NDRG3: variants seen among roughly 807,000 people sequenced by gnomAD.
The protein encoded by NDRG3 is NDRG family member 3.
In NDRG3, 23 loss-of-function variants were observed where a neutral mutation model predicts 57.2. The observed-to-expected ratio is 0.40, with a 90% CI of 0.29 to 0.57. The LOEUF is 0.57. Among genes scored for constraint, NDRG3 ranks in the 20% least tolerant of loss-of-function variants. The pLI is 0.42. For synonymous variants in NDRG3, 132 were observed against 162.6 expected (o/e 0.81, Z 1.43); for missense variants, 384 against 457.3 (o/e 0.84, Z 1.46).
chr20:36,720,718 G>A (rs192165149), intron 2 of NDRG3, among the ~76,000 whole-genome samples: 3 of 151,780 alleles, frequency 2.0e-5, no homozygotes, highest in Admixed American at 1.3e-4. Flanking sequence ...GAAACTGAAA[G>A]TCAAGACACT....
chr20:36,653,676 G>A lies in NDRG3; in HGVS notation c.972C>T (p.Leu324=), dbSNP rs765544330. The change falls in exon 16 of 16, where the codon CTC becomes CTT. Residue 324 remains leucine (L), a synonymous_variant. Transcript: ENST00000349004. The surrounding 1 kb of genome is among the most constrained non-coding windows in gnomAD (Gnocchi z 4.2). ...AGGTTGAGTGGGTTCGTGATCGGGC[G>A]AGCCGAGTCATGCTGGCAGATGGTA... ...GYIPSASMTR[L]ARSRTHSTSS... The A allele has an allele frequency of 1.7e-5, 27 of 1,613,734 alleles. No homozygotes were observed. The highest frequency in any genetic ancestry group is 7.7e-5 in the South Asian group (7 of 91,078).
intron 2 of NDRG3, among the ~76,000 whole-genome samples, chr20:36,711,594 G>A (rs939141449): frequency 1.3e-5 from 2 of 152,166 alleles, no homozygotes; most frequent in East Asian, 1.9e-4. Flanking sequence ...TAAAGCCCTC[G>A]GTCCCTGACA....
chr20:36,672,965 G>C (rs1402312430), intron 8 of NDRG3, among the ~76,000 whole-genome samples: 1 of 152,158 alleles, frequency 6.6e-6, no homozygotes, highest in Non-Finnish European at 1.5e-5. Flanking sequence ...CCAGGCTCAA[G>C]CGATTTTCCG....
chr20:36,670,423 G>A (rs1299180180), intron 9 of NDRG3, among the ~76,000 whole-genome samples: 1 of 152,108 alleles, frequency 6.6e-6, no homozygotes, highest in Non-Finnish European at 1.5e-5. Flanking sequence ...TAAAATATAT[G>A]TGAATTTGTA....
chr20:36,732,236 T>C (rs2425266), intron 1 of NDRG3, among the ~76,000 whole-genome samples: 136,840 of 152,306 alleles, frequency 0.9, 61,974 homozygotes, highest in African/African-American at 0.98. Context: ...TTTAAAAGAT[T>C]AACAAGATCA....
intron 8 of NDRG3, among the ~76,000 whole-genome samples, chr20:36,676,164 C>T (rs1038760265): frequency 6.6e-6 from 1 of 151,756 alleles, no homozygotes; most frequent in South Asian, 2.1e-4. Context: ...GGCGTGAACC[C>T]GGGAGGCGGA....
chr20:36,744,979 G>A (rs928708536), intron 1 of NDRG3, among the ~76,000 whole-genome samples: 1 of 150,898 alleles, frequency 6.6e-6, no homozygotes, highest in Non-Finnish European at 1.5e-5. Flanking sequence ...GGGGGGGGGG[G>A]GCGCGGCGGG....
intron 1 of NDRG3, among the ~76,000 whole-genome samples, chr20:36,738,696 A>T (rs947453005): frequency 6.6e-6 from 1 of 150,788 alleles, no homozygotes; most frequent in Admixed American, 6.6e-5. Context: ...GGTGGCATGC[A>T]CCTGTAATCC....
At chr20:36,681,672 T>C (rs1981310735) in intron 7 of NDRG3, among the ~76,000 whole-genome samples, 1 of 149,036 alleles carries the variant, frequency 6.7e-6, no homozygotes. Context: ...ATAGGAGCTC[T>C]AGCTCTCTAG....
chr20:36,723,312 T>C (rs899910149), intron 1 of NDRG3, among the ~76,000 whole-genome samples: 2 of 152,212 alleles, frequency 1.3e-5, no homozygotes, highest in Admixed American at 1.3e-4. Flanking sequence ...ATTCTTCTTC[T>C]ATCTCACCAT....
At chr20:36,664,083 A>G (rs896976369) in intron 12 of NDRG3, among the ~76,000 whole-genome samples, 1 of 152,164 alleles carries the variant, frequency 6.6e-6, no homozygotes, top group African/African-American at 2.4e-5. Flanking sequence ...GACTATAGGC[A>G]TGAGCCACCA....
intron 7 of NDRG3, among the ~76,000 whole-genome samples, chr20:36,681,201 T>C (rs1276630869): frequency 6.6e-6 from 1 of 152,172 alleles, no homozygotes; most frequent in African/African-American, 2.4e-5. Context: ...AAAGTGCGCT[T>C]GGCACAAGCA....
chr20:36,663,627 T>C (rs1979384329), intron 12 of NDRG3, among the ~76,000 whole-genome samples: 1 of 152,184 alleles, frequency 6.6e-6, no homozygotes, highest in South Asian at 2.1e-4. Context: ...GGCATGCTTA[T>C]ACAGTGCTGG....
chr20:36,680,054 C>T (rs972451325), intron 8 of NDRG3, among the ~76,000 whole-genome samples: 2 of 151,200 alleles, frequency 1.3e-5, no homozygotes, highest in African/African-American at 4.9e-5. Context: ...AAACTCCCGA[C>T]CTCAGGTGAT....
At chr20:36,720,773 CT>C (rs373924170) in intron 2 of NDRG3, among the ~76,000 whole-genome samples, 303 of 140,852 alleles carry the variant, frequency 2.2e-3, no homozygotes, top group Middle Eastern at 3.7e-3. Context: ...TTTTTCTTTT[CT>C]TTTTTTTTTT....
intron 2 of NDRG3, among the ~76,000 whole-genome samples, chr20:36,718,461 T>A (rs1349206529): frequency 7.2e-5 from 11 of 152,204 alleles, no homozygotes; most frequent in Non-Finnish European, 1.5e-4. Flanking sequence ...CTGCTTTGTG[T>A]CTTAGTCTAC....
At chr20:36,668,598 G>A (rs1283164370) in intron 9 of NDRG3, 2 of 152,212 alleles carry the variant, frequency 1.3e-5, no homozygotes, top group East Asian at 3.9e-4. Context: ...AGGGGAAAGA[G>A]TGGAACAGGG....
intron 1 of NDRG3, among the ~76,000 whole-genome samples, chr20:36,723,967 A>C (rs539471284): frequency 6.6e-6 from 1 of 152,194 alleles, no homozygotes; most frequent in African/African-American, 2.4e-5. Flanking sequence ...TCAGCCTCCC[A>C]AAGTGTTAGG....
At chr20:36,744,976 G>GA (rs1404455814) in intron 1 of NDRG3, among the ~76,000 whole-genome samples, 1 of 151,424 alleles carries the variant, frequency 6.6e-6, no homozygotes, top group Non-Finnish European at 1.5e-5. Flanking sequence ...AAGGGGGGGG[G>GA]GGGGCGCGGC....
Sources: allele counts gnomAD v4.1 joint callset (sites outside exome capture counted in the v4.1 genomes callset), GRCh38; gene constraint gnomAD v4.1.1; non-coding constraint Gnocchi (gnomAD v3.1); transcripts MANE v1.5; gene names NCBI Gene and HGNC (gene_info 2026-07-23, HGNC 2026-07-21).